The following RFWD3 variants were observed in gnomAD, a reference collection of about 807,000 sequenced individuals.
RFWD3 encodes the protein E3 ubiquitin-protein ligase RFWD3.
RFWD3 carries 65 observed loss-of-function variants against 87.7 expected under a neutral mutation model. That is an observed-to-expected ratio of 0.74 (90% confidence interval 0.61 to 0.91). The LOEUF (loss-of-function observed/expected upper bound fraction) is 0.91, where lower values mean the gene tolerates loss of function less well. Ranked by LOEUF, RFWD3 falls within the 40% of genes least tolerant of loss-of-function variation. RFWD3 has a pLI of 0.00. For missense variants in RFWD3, 1,078 were observed against 938.5 expected (o/e 1.15, Z -1.94); for synonymous variants, 433 against 352.8 (o/e 1.23, Z -2.55).
chr16:74,633,845 G>A (rs1349712906), intron 8 of RFWD3, among the ~76,000 whole-genome samples: 1 of 152,004 alleles, frequency 6.6e-6, no homozygotes, highest in East Asian at 1.9e-4. Context: ...AGTTACTCAA[G>A]AGGCTGAGGT....
chr16:74,661,845 A>G (rs944935177), intron 1 of RFWD3, among the ~76,000 whole-genome samples: 1 of 152,258 alleles, frequency 6.6e-6, no homozygotes, highest in African/African-American at 2.4e-5. Flanking sequence ...ATCTAATTTT[A>G]GCAGGCAATA....
chr16:74,651,913 T>C lies in RFWD3; in HGVS notation c.721+7A>G. ...CTTGTGAGTCCAAACCTGGGTAAAA[T>C]ACTGACCTTCTAAAATGACAGCTCC... On this transcript the variant is annotated splice_region_variant and intron_variant, in intron 3 of 12. Transcript: ENST00000361070. 2 of 1,613,566 alleles carry C rather than the reference T, an allele frequency of 1.2e-6. No homozygotes were observed. The highest frequency in any genetic ancestry group is 1.7e-6 in the Non-Finnish European group (2 of 1,179,680).
chr16:74,661,442 T>C lies in RFWD3; in HGVS notation c.8A>G (p.His3Arg). The C allele has an allele frequency of 6.2e-7, 1 of 1,606,832 alleles. No individual in the cohort carries two copies. Among genetic ancestry groups the C allele is most frequent in the South Asian group, 1.1e-5 (1 of 90,124 alleles). MAHEAMEYDVQVQ... is the reference protein window; with the variant it reads MAREAMEYDVQVQ... ...CTGAACATCATATTCCATTGCTTCA[T>C]GAGCCATCACTAGAGAAACAGTATT... The change falls in exon 2 of 13, where the codon CAT becomes CGT. Residue 3 changes from histidine to arginine, a missense_variant. By Grantham distance (29) the His-to-Arg change is conservative. Coordinates refer to ENST00000361070, the MANE Select transcript of RFWD3 (RefSeq NM_018124.4).
Position 74,637,974 on chromosome 16 carries a change from G to A in RFWD3, c.1080-4C>T. ...CATCTGTTCCTTCAGTAGGGAACTA[G>A]AGGGGGAAAGCCAGCAACAAGTGGG... On this transcript the variant is annotated splice_polypyrimidine_tract_variant and splice_region_variant and intron_variant, in intron 6 of 12. Transcript: ENST00000361070. 2 of 1,599,904 alleles carry A rather than the reference G, an allele frequency of 1.3e-6. No individual in the cohort carries two copies. Among genetic ancestry groups the A allele is most frequent in the Non-Finnish European group, 1.7e-6 (2 of 1,170,760 alleles).
rs550607672 is a variant in RFWD3, at chr16:74,652,709, C to A, written c.519-587G>T. On this transcript the variant is annotated intron_variant, in intron 2 of 12. Coordinates refer to ENST00000361070, the MANE Select transcript of RFWD3 (RefSeq NM_018124.4). Reference sequence around the variant, plus strand: ...ATGATGAGAAGACCTGGGGCCAAATCTAACACTCCAAATATATCTTGGCTG... The same window carrying A: ...ATGATGAGAAGACCTGGGGCCAAATATAACACTCCAAATATATCTTGGCTG... Among the ~76,000 whole-genome samples the A allele has an allele frequency of 2.0e-5, 3 of 152,308 alleles. No homozygotes were observed. The South Asian group carries it at 6.2e-4, about 32-fold the overall frequency.
At chr16:74,655,218 C>T (rs1960872181) in intron 2 of RFWD3, among the ~76,000 whole-genome samples, 1 of 152,138 alleles carries the variant, frequency 6.6e-6, no homozygotes, top group Non-Finnish European at 1.5e-5. Flanking sequence ...GGGGATAATG[C>T]TGCTGGTGAC....
intron 2 of RFWD3, among the ~76,000 whole-genome samples, chr16:74,656,181 C>T (rs989761607): frequency 3.3e-5 from 5 of 151,508 alleles, no homozygotes; most frequent in African/African-American, 1.2e-4. Flanking sequence ...GCCTTTAGTC[C>T]CAGCTACTCT....
At chr16:74,652,523 T>C (rs1960647191) in intron 2 of RFWD3, among the ~76,000 whole-genome samples, 2 of 152,168 alleles carry the variant, frequency 1.3e-5, no homozygotes, top group African/African-American at 4.8e-5. Flanking sequence ...GCTATTGCAG[T>C]CACCCAGACC....
rs147831409 is a variant in RFWD3, at chr16:74,632,474, A to C, written c.1577+49T>G. On this transcript the variant is annotated intron_variant, in intron 9 of 12. Transcript: ENST00000361070. ...ATAACACCGATACGAATTCCATGCT[A>C]CTCAACACCAAAGAGCCCAGTCTCC... 191 of 1,591,000 alleles carry C rather than the reference A, an allele frequency of 1.2e-4. 1 individual carries two copies. In the East Asian group the frequency reaches 4.2e-3, roughly 35 times the overall value.
At chr16:74,635,223 G>C (rs1249644473) in intron 8 of RFWD3, among the ~76,000 whole-genome samples, 1 of 151,962 alleles carries the variant, frequency 6.6e-6, no homozygotes, top group Non-Finnish European at 1.5e-5. Flanking sequence ...CTTGCAGTGA[G>C]CCGAGATAGA....
chr16:74,662,501 T>C lies in RFWD3; in HGVS notation c.-2-1050A>G, dbSNP rs1159946111. ...ACAAATACATGAAAAAAATTATAGATTATGATGTTTGGGGTTGAGGAGACA... is the reference window on the plus strand; with the variant it reads ...ACAAATACATGAAAAAAATTATAGACTATGATGTTTGGGGTTGAGGAGACA... On this transcript the variant is annotated intron_variant, in intron 1 of 12. Coordinates refer to ENST00000361070, the MANE Select transcript of RFWD3 (RefSeq NM_018124.4). Among the ~76,000 whole-genome samples the C allele has an allele frequency of 2.0e-5, 3 of 152,090 alleles. No homozygotes were observed. The East Asian group carries it at 5.8e-4, about 29-fold the overall frequency.
Position 74,628,443 on chromosome 16 carries a change from A to T in RFWD3, c.1969+9T>A, listed in dbSNP as rs758187731. 3 of 1,613,240 alleles carry T rather than the reference A, an allele frequency of 1.9e-6. No homozygotes were observed. Among genetic ancestry groups the T allele is most frequent in the Non-Finnish European group, 2.5e-6 (3 of 1,179,496 alleles). On this transcript the variant is annotated intron_variant, in intron 11 of 12. Transcript: ENST00000361070. ...CAAATAAGCTATGGGAGACCCCAGC[A>T]CTACTTACCAGGCCTGTAGGTCACA...
intron 2 of RFWD3, among the ~76,000 whole-genome samples, chr16:74,653,139 G>T (rs1960693913): frequency 6.6e-6 from 1 of 152,130 alleles, no homozygotes; most frequent in African/African-American, 2.4e-5. Context: ...AGGAGTTCGA[G>T]ACCAGCCTGA....
At chr16:74,659,669 T>C (rs771261618) in intron 2 of RFWD3, among the ~76,000 whole-genome samples, 2 of 151,952 alleles carry the variant, frequency 1.3e-5, no homozygotes, top group Non-Finnish European at 2.9e-5. Context: ...TCTGTCATCC[T>C]TGATGGGCAC....
chr16:74,636,720 G>T lies in RFWD3; in HGVS notation c.1195-143C>A, dbSNP rs901217902. 78 of 551,202 alleles carry T rather than the reference G, an allele frequency of 1.4e-4. 1 individual carries two copies. Among genetic ancestry groups the T allele is most frequent in the Middle Eastern group, 1.0e-3 (2 of 1,908 alleles). 34.1% of individuals were successfully genotyped at this position (551,202 alleles called of 1,614,324 possible). ...AATCCTAGAGAACTGCAGAGTTTTT[G>T]TTTTTTTTTTTAAGACGGAGTCTCA... On this transcript the variant is annotated intron_variant, in intron 7 of 12. Coordinates refer to ENST00000361070, the MANE Select transcript of RFWD3 (RefSeq NM_018124.4).
chr16:74,641,810 C>T (rs112167082), intron 6 of RFWD3, among the ~76,000 whole-genome samples: 17,050 of 150,734 alleles, frequency 0.11, 1,326 homozygotes, highest in Admixed American at 0.23. Flanking sequence ...CCTGTAATCC[C>T]GGCTACTTGG....
At chr16:74,653,801 T>C (rs926230610) in intron 2 of RFWD3, among the ~76,000 whole-genome samples, 2 of 152,332 alleles carry the variant, frequency 1.3e-5, no homozygotes, top group East Asian at 1.9e-4. Flanking sequence ...TTCCTAATAG[T>C]TTGGCTGCAA....
Position 74,626,421 on chromosome 16 carries a change from T to G in RFWD3, c.2103A>C (p.Lys701Asn), listed in dbSNP as rs1958933160. Residue 701 changes from lysine to asparagine, a missense_variant, in exon 12 of 13, where the codon AAA (lysine) becomes AAC (asparagine). Transcript: ENST00000361070. ...TCTCTGGGCTTTGGAAAATGGCATT[T>G]TTGGTCAATAGTTTGCAAGTAGGTC... ...FGGPTCKLLT[K>N]NAIFQSPEND... 1 of 1,614,070 alleles carries G rather than the reference T, an allele frequency of 6.2e-7. No individual in the cohort carries two copies. The highest frequency in any genetic ancestry group is 1.3e-5 in the African/African-American group (1 of 74,922).
At position 74,626,511 on chromosome 16, in the gene RFWD3, G is replaced by A. The variant is rs754278440; in HGVS notation, c.2013C>T (p.Ser671=). Residue 671 remains serine (S), a synonymous_variant, in exon 12 of 13, where the codon TCC becomes TCT. Transcript: ENST00000361070. ...TTIRSVLMEM[S]YRLDDTGNPI... is the part of the protein sequence containing the mutation. ...GATTTCCAGTGTCATCCAGTCGGTAGGACATTTCCATCAGCACACTTCGTA... is the reference window on the plus strand; with the variant it reads ...GATTTCCAGTGTCATCCAGTCGGTAAGACATTTCCATCAGCACACTTCGTA... The A allele has an allele frequency of 2.5e-6, 4 of 1,614,130 alleles. No individual in the cohort carries two copies. In the Admixed American group the frequency reaches 6.7e-5, roughly 27 times the overall value.
Sources: allele counts gnomAD v4.1 joint callset (sites outside exome capture counted in the v4.1 genomes callset), GRCh38; gene constraint gnomAD v4.1.1; transcripts MANE v1.5; gene names NCBI Gene and HGNC (gene_info 2026-07-23, HGNC 2026-07-21).